ZNF667: variants seen among roughly 807,000 people sequenced by gnomAD.
ZNF667 encodes zinc finger protein 667, also known as myocardial ischemic preconditioning upregulated 1 ortholog.
A neutral mutation model predicts 31.8 loss-of-function variants in ZNF667; 13 were observed. That is an observed-to-expected ratio of 0.41 (90% CI 0.27 to 0.65). ZNF667 has a LOEUF of 0.65. Ranked by LOEUF, ZNF667 falls within the 30% of genes least tolerant of loss-of-function variation. The pLI, the probability that ZNF667 is intolerant of heterozygous loss-of-function variation, is 0.32. For missense variants in ZNF667, 642 were observed against 725.6 expected, an observed-to-expected ratio of 0.88 and a Z score of 1.32; for synonymous variants, 228 against 247.1, an observed-to-expected ratio of 0.92 and a Z score of 0.73.
At chr19:56,460,479 T>C (rs2043022474) in intron 5 of ZNF667, among the ~76,000 whole-genome samples, 1 of 152,172 alleles carries the variant, frequency 6.6e-6, no homozygotes, top group Non-Finnish European at 1.5e-5. Context: ...TAATTGATTG[T>C]GGTGATGGAT....
intron 3 of ZNF667, chr19:56,466,847 T>C (rs776851491): frequency 1.3e-4 from 49 of 372,934 alleles, no homozygotes; most frequent in Non-Finnish European, 2.5e-4. Flanking sequence ...GCCCTACCTT[T>C]AGTGAGTGCA....
intron 5 of ZNF667, 139 bp from the exon 6 acceptor site, chr19:56,458,386 G>A: frequency 1.5e-6 from 1 of 686,988 alleles, no homozygotes; most frequent in African/African-American, 1.8e-5. Flanking sequence ...GGAGAATGGG[G>A]AGTGTGATAT....
At chr19:56,449,169 T>C (rs758537429) in intron 6 of ZNF667, 15 of 313,826 alleles carry the variant, frequency 4.8e-5, no homozygotes, top group Admixed American at 1.7e-4. Context: ...TTTGAATACA[T>C]GGAGAGTCTT....
chr19:56,477,214 G>C (rs1282818164), intron 1 of ZNF667, 58 bp downstream of exon 1: 1 of 152,212 alleles, frequency 6.6e-6, no homozygotes, highest in Non-Finnish European at 1.5e-5. Context: ...CGTCCACGCA[G>C]TGGCGGGCGC....
At position 56,442,568 on chromosome 19, in the gene ZNF667, G is replaced by T. The variant is rs1363894135; in HGVS notation, c.427C>A (p.Pro143Thr). The T allele has an allele frequency of 1.9e-6, 3 of 1,614,044 alleles. No homozygotes were observed. Among genetic ancestry groups the T allele is most frequent in the African/African-American group, 2.7e-5 (2 of 75,034 alleles). The change falls in exon 7 of 7, where the codon CCT becomes ACT. Residue 143 changes from proline to threonine, a missense_variant. Transcript: ENST00000504904. ...TTACCACAGTCATTACATTTTAAAG[G>T]TTTCTTCCCTGAATGCCCTTTCTTA... ...KPKKGHSGKK[P>T]LKCNDCGKTF...
rs986450979 is a variant in ZNF667 at position 56,474,073 on chromosome 19, G to A, written c.-610C>T. 6.6e-6 allele frequency: 1 copy of A among 152,216 alleles called. No individual in the cohort carries two copies. Among genetic ancestry groups the A allele is most frequent in the South Asian group, 2.1e-4 (1 of 4,824 alleles). 9.4% of individuals were successfully genotyped at this position (152,216 alleles called of 1,614,324 possible). ...CGAGTCCCTGATGATAGATGAGAAA[G>A]GGCTTTGAAAGGCACAAAGCTATGT... is the stretch of plus-strand genomic sequence containing the variant. On this transcript the variant is annotated 5_prime_UTR_variant, in exon 2 of 7. Coordinates refer to ENST00000504904, the MANE Select transcript of ZNF667 (RefSeq NM_001321356.2).
intron 1 of ZNF667, chr19:56,476,945 C>G (rs1269873864): frequency 1.3e-5 from 2 of 152,934 alleles, no homozygotes; most frequent in African/African-American, 2.4e-5. Flanking sequence ...TTGTTTCCTT[C>G]GCGTGGGTCA....
Position 56,455,844 on chromosome 19 carries a change from A to T in ZNF667, c.253+2311T>A, listed in dbSNP as rs534805676. Among the ~76,000 whole-genome samples the T allele has an allele frequency of 2.9e-4, 44 of 152,344 alleles. No individual in the cohort carries two copies. The South Asian group carries it at 8.9e-3, about 31-fold the overall frequency. On this transcript the variant is annotated intron_variant, in intron 6 of 6. Transcript: ENST00000504904. ...ACATACCCTGATGTGATTCTTACAC[A>T]CTATATGCCTGTATTGAAATATCCT...
At chr19:56,464,728 T>C (rs944176973) in intron 3 of ZNF667, among the ~76,000 whole-genome samples, 4 of 152,182 alleles carry the variant, frequency 2.6e-5, no homozygotes, top group African/African-American at 9.6e-5. Flanking sequence ...CCCCCCTCCC[T>C]AAACACACAC....
At chr19:56,456,284 G>C (rs1219212986) in intron 6 of ZNF667, among the ~76,000 whole-genome samples, 1 of 152,190 alleles carries the variant, frequency 6.6e-6, no homozygotes, top group Admixed American at 6.5e-5. Flanking sequence ...TGTAGTCATG[G>C]TTATGATTTA....
At chr19:56,465,271 T>G (rs2043134044) in intron 3 of ZNF667, among the ~76,000 whole-genome samples, 1 of 152,264 alleles carries the variant, frequency 6.6e-6, no homozygotes, top group South Asian at 2.1e-4. Context: ...GATGTTTGTT[T>G]CGTCCCCGTA....
At chr19:56,451,351 A>G (rs1227669945) in intron 6 of ZNF667, among the ~76,000 whole-genome samples, 1 of 152,158 alleles carries the variant, frequency 6.6e-6, no homozygotes, top group Non-Finnish European at 1.5e-5. Flanking sequence ...CTAAAGAGAG[A>G]GACAGACCAC....
At chr19:56,472,841 G>A (rs948314810) in intron 2 of ZNF667, 18 of 152,078 alleles carry the variant, frequency 1.2e-4, no homozygotes, top group African/African-American at 4.3e-4. Context: ...CTACAGTACA[G>A]GGGGTTGGTA....
intron 1 of ZNF667, chr19:56,475,413 C>T (rs1207552062): frequency 6.6e-6 from 1 of 152,386 alleles, no homozygotes; most frequent in African/African-American, 2.4e-5. Context: ...ACTCTTCTCC[C>T]TGTCATCATG....
At chr19:56,469,250 G>A (rs374829575) in intron 3 of ZNF667, among the ~76,000 whole-genome samples, 52 of 152,262 alleles carry the variant, frequency 3.4e-4, no homozygotes, top group African/African-American at 1.2e-3. Context: ...ACACACCCAC[G>A]CACGCACATC....
intron 5 of ZNF667, 57 bp from the exon 6 acceptor site, chr19:56,458,304 A>G: frequency 6.7e-7 from 1 of 1,486,934 alleles, no homozygotes; most frequent in Non-Finnish European, 9.4e-7. Flanking sequence ...CAGAAGTCAG[A>G]GCCACGCTCT....
chr19:56,448,913 T>C (rs892321263), intron 6 of ZNF667, among the ~76,000 whole-genome samples: 2 of 152,082 alleles, frequency 1.3e-5, no homozygotes, highest in Admixed American at 6.6e-5. Flanking sequence ...TTGGTGGCCA[T>C]GGGAGTGTTT....
At chr19:56,451,433 CAAAG>C (rs1014366721) in intron 6 of ZNF667, among the ~76,000 whole-genome samples, 1 of 152,092 alleles carries the variant, frequency 6.6e-6, no homozygotes, top group African/African-American at 2.4e-5. Flanking sequence ...AGAAAATCAA[CAAAG>C]AAACATCGGA....
intron 6 of ZNF667, among the ~76,000 whole-genome samples, chr19:56,446,321 A>T (rs148404109): frequency 9.3e-4 from 142 of 152,296 alleles, no homozygotes; most frequent in African/African-American, 3.1e-3. Flanking sequence ...ACATGCTATG[A>T]CCTCTAATCT....
Sources: allele counts gnomAD v4.1 joint callset (sites outside exome capture counted in the v4.1 genomes callset), GRCh38; gene constraint gnomAD v4.1.1; transcripts MANE v1.5; gene names NCBI Gene and HGNC (gene_info 2026-07-23, HGNC 2026-07-21).